SDK1: variants seen among roughly 807,000 people sequenced by gnomAD.
SDK1 encodes sidekick cell adhesion molecule 1, also known as protein sidekick-1.
A neutral mutation model predicts 245.5 loss-of-function variants in SDK1; 157 were observed. The observed-to-expected ratio is 0.64, with a 90% CI of 0.56 to 0.73. The LOEUF (loss-of-function observed/expected upper bound fraction) is 0.73. Ranked by LOEUF, SDK1 falls within the 30% of genes least tolerant of loss-of-function variation. The pLI is 0.00. For synonymous variants in SDK1, 1,647 were observed against 1,278.5 expected (o/e 1.29, Z -6.15); for missense variants, 3,583 against 3,002.3 (o/e 1.19, Z -4.52).
chr7:4,148,786 A>G (rs1241103699), intron 29 of SDK1, among the ~76,000 whole-genome samples: 2 of 152,212 alleles, frequency 1.3e-5, no homozygotes, highest in African/African-American at 4.8e-5. Flanking sequence ...AGCTGGGTGT[A>G]GTGGCTCACG....
chr7:4,213,378 C>T (rs908623103), intron 38 of SDK1, among the ~76,000 whole-genome samples: 1 of 151,022 alleles, frequency 6.6e-6, no homozygotes, highest in Admixed American at 6.6e-5. Context: ...CGCCACTGCA[C>T]TCCAGCTTGG....
chr7:3,804,874 A>G (rs961173362), intron 4 of SDK1, among the ~76,000 whole-genome samples: 9 of 152,206 alleles, frequency 5.9e-5, no homozygotes, highest in Non-Finnish European at 1.0e-4. Context: ...GAGAAATACA[A>G]TTGGGGGTGG....
chr7:3,688,401 T>C (rs1784351769), intron 4 of SDK1, among the ~76,000 whole-genome samples: 1 of 152,250 alleles, frequency 6.6e-6, no homozygotes, highest in African/African-American at 2.4e-5. Context: ...GGTTTAATTC[T>C]TACATGTAGT....
chr7:3,938,993 C>T (rs571116407), intron 5 of SDK1, among the ~76,000 whole-genome samples: 5 of 152,294 alleles, frequency 3.3e-5, no homozygotes, highest in South Asian at 4.1e-4. Context: ...TTTTATTTAT[C>T]GTCTCTCGTC....
At chr7:3,646,931 T>C (rs941915129) in intron 4 of SDK1, among the ~76,000 whole-genome samples, 1 of 152,176 alleles carries the variant, frequency 6.6e-6, no homozygotes, top group African/African-American at 2.4e-5. Context: ...AGCAGAACAT[T>C]GGTTGCCAGG....
intron 1 of SDK1, among the ~76,000 whole-genome samples, chr7:3,325,458 T>C (rs964647783): frequency 6.6e-6 from 1 of 152,188 alleles, no homozygotes; most frequent in Non-Finnish European, 1.5e-5. Flanking sequence ...GAAACATAGA[T>C]ATACTTTTAA....
intron 30 of SDK1, among the ~76,000 whole-genome samples, chr7:4,149,948 T>C (rs1161219888): frequency 6.6e-6 from 1 of 152,146 alleles, no homozygotes; most frequent in African/African-American, 2.4e-5. Context: ...CTGGGGAAGA[T>C]GGGAGGGCAT....
chr7:3,587,711 G>T (rs1780736134), intron 1 of SDK1, among the ~76,000 whole-genome samples: 1 of 152,192 alleles, frequency 6.6e-6, no homozygotes, highest in Non-Finnish European at 1.5e-5. Flanking sequence ...ACCCAGGAAT[G>T]ATGTTTAATT....
chr7:4,232,609 G>A (rs1785867201), intron 40 of SDK1, among the ~76,000 whole-genome samples: 1 of 151,638 alleles, frequency 6.6e-6, no homozygotes, highest in African/African-American at 2.4e-5. Flanking sequence ...GGGACCACAG[G>A]TGCATGCCAC....
rs139759149 is a variant in SDK1, at chr7:3,475,164, T to G, written c.299-143916T>G. ...TCCATTCTCTCCCTTATGTAGAAGC[T>G]GATGACTAGTTAGTTCCAGGGTCTG... On this transcript the variant is annotated intron_variant, in intron 1 of 44. Coordinates refer to ENST00000404826, the MANE Select transcript of SDK1 (RefSeq NM_152744.4). Among the ~76,000 whole-genome samples the G allele has an allele frequency of 4.7e-3, 721 of 152,350 alleles. 8 individuals carry two copies. The highest frequency in any genetic ancestry group is 0.016 in the African/African-American group (680 of 41,584).
chr7:3,552,031 C>G (rs954087201), intron 1 of SDK1, among the ~76,000 whole-genome samples: 1 of 149,938 alleles, frequency 6.7e-6, no homozygotes, highest in East Asian at 1.9e-4. Context: ...AGATTTTACT[C>G]TTCTTCTTCT....
At chr7:4,131,632 A>G (rs1784827500) in intron 27 of SDK1, among the ~76,000 whole-genome samples, 1 of 152,088 alleles carries the variant, frequency 6.6e-6, no homozygotes. Flanking sequence ...CTGGCCACAC[A>G]CTTACTTGCC....
intron 5 of SDK1, among the ~76,000 whole-genome samples, chr7:3,859,232 GC>G (rs1780625215): frequency 6.6e-6 from 1 of 152,122 alleles, no homozygotes; most frequent in South Asian, 2.1e-4. Flanking sequence ...ATGGTTGGGG[GC>G]TCAACTTTGA....
intron 1 of SDK1, among the ~76,000 whole-genome samples, chr7:3,491,107 C>G (rs1456915236): frequency 6.6e-6 from 1 of 152,172 alleles, no homozygotes; most frequent in African/African-American, 2.4e-5. Flanking sequence ...AGGTTAAGGA[C>G]CTTGTCACTG....
intron 1 of SDK1, among the ~76,000 whole-genome samples, chr7:3,310,946 A>C (rs1294786379): frequency 3.3e-5 from 5 of 152,162 alleles, no homozygotes; most frequent in African/African-American, 1.2e-4. Flanking sequence ...GATTGTAGGT[A>C]AGGTGTTTTT....
intron 1 of SDK1, among the ~76,000 whole-genome samples, chr7:3,568,145 A>C (rs1277861111): frequency 6.6e-6 from 1 of 152,244 alleles, no homozygotes; most frequent in Admixed American, 6.5e-5. Flanking sequence ...AACAATGATC[A>C]TTAAGAGATT....
At chr7:4,050,983 A>C (rs1327343598) in intron 18 of SDK1, among the ~76,000 whole-genome samples, 1 of 129,348 alleles carries the variant, frequency 7.7e-6, no homozygotes, top group Non-Finnish European at 1.6e-5. Flanking sequence ...TATATATGCT[A>C]TATATGTTAT....
Position 4,045,503 on chromosome 7 carries a change from C to T in SDK1, c.2603-3845C>T, listed in dbSNP as rs201106352. 9.2e-5 allele frequency among the ~76,000 whole-genome samples: 14 copies of T among 152,132 alleles called. No individual in the cohort carries two copies. In the East Asian group the frequency reaches 2.5e-3, roughly 27 times the overall value. On this transcript the variant is annotated intron_variant, in intron 17 of 44. Coordinates refer to ENST00000404826, the MANE Select transcript of SDK1 (RefSeq NM_152744.4). Reference sequence around the variant, plus strand: ...TCAAGCGATCCTCCCACCTCGGCCTCCCAAAATGCTGGGATTACAAGTGTG... The same window carrying T: ...TCAAGCGATCCTCCCACCTCGGCCTTCCAAAATGCTGGGATTACAAGTGTG...
intron 1 of SDK1, among the ~76,000 whole-genome samples, chr7:3,552,794 A>G (rs1318765733): frequency 1.3e-5 from 2 of 152,238 alleles, no homozygotes; most frequent in South Asian, 2.1e-4. Context: ...AAGCAGCAGC[A>G]GTTAAATGCT....
Sources: allele counts gnomAD v4.1 joint callset (sites outside exome capture counted in the v4.1 genomes callset), GRCh38; gene constraint gnomAD v4.1.1; transcripts MANE v1.5; gene names NCBI Gene and HGNC (gene_info 2026-07-23, HGNC 2026-07-21).